The following CAPN8 variants were observed in gnomAD, a reference collection of about 807,000 sequenced individuals.
CAPN8 encodes calpain 8.
CAPN8 carries 87 observed loss-of-function variants against 80.9 expected under a neutral mutation model. The observed-to-expected ratio is 1.07, with a 90% CI of 0.90 to 1.28. CAPN8 has a LOEUF of 1.28. Ranked by LOEUF, CAPN8 falls within the 50% of genes most tolerant of loss-of-function variation. The probability of loss-of-function intolerance (pLI) is 0.00; values close to 1 mark genes in which losing one functional copy is unlikely to be tolerated. For synonymous variants in CAPN8, 299 were observed against 273.8 expected (o/e 1.09, Z -0.91); for missense variants, 757 against 702.0 (o/e 1.08, Z -0.89).
At chr1:223,640,074 A>C (rs947256336) in intron 2 of CAPN8, among the ~76,000 whole-genome samples, 1 of 151,906 alleles carries the variant, frequency 6.6e-6, no homozygotes, top group African/African-American at 2.4e-5. Context: ...GCCCCTTTTC[A>C]TCCTCACTTT....
chr1:223,544,313 T>A, intron 18 of CAPN8, 130 bp from the exon 19 acceptor site: 2 of 624,860 alleles, frequency 3.2e-6, no homozygotes, highest in Non-Finnish European at 5.8e-6. Context: ...CAGGCCTGAC[T>A]CTGCCTTCTC....
intron 2 of CAPN8, among the ~76,000 whole-genome samples, chr1:223,648,330 A>T (rs1225552121): frequency 6.6e-6 from 1 of 152,214 alleles, no homozygotes; most frequent in Non-Finnish European, 1.5e-5. Flanking sequence ...CCCACCTCGG[A>T]GGCCTGACCC....
intron 2 of CAPN8, among the ~76,000 whole-genome samples, chr1:223,640,508 G>T (rs147199525): frequency 2.8e-4 from 42 of 152,218 alleles, no homozygotes; most frequent in Admixed American, 1.2e-3. Flanking sequence ...TCTTGTCCAG[G>T]TTTCCCATCT....
Position 223,619,538 on chromosome 1 carries a change from T to C in CAPN8, c.975-85A>G, listed in dbSNP as rs1315074538. 2.8e-6 allele frequency: 4 copies of C among 1,429,568 alleles called. No individual in the cohort carries two copies. The African/African-American group carries it at 5.7e-5, about 20-fold the overall frequency. The allele number at this position is 1,429,568 out of a possible 1,614,324, so 88.6% of individuals were successfully genotyped here. ...GCATACTGAGCACGGGAAGGAGCCC[T>C]GTGGCACAGGCCCTAGAGGCCGTGG... On this transcript the variant is annotated intron_variant, in intron 8 of 20. Transcript: ENST00000366872.
At chr1:223,631,593 T>C (rs1053403491) in intron 2 of CAPN8, among the ~76,000 whole-genome samples, 1 of 152,162 alleles carries the variant, frequency 6.6e-6, no homozygotes, top group Non-Finnish European at 1.5e-5. Flanking sequence ...CAACGGATGT[T>C]TGATGAATAA....
At position 223,611,470 on chromosome 1, in the gene CAPN8, T is replaced by C. The variant is rs191476201; in HGVS notation, c.1323+776A>G. Among the ~76,000 whole-genome samples the C allele has an allele frequency of 3.8e-3, 586 of 152,326 alleles. 8 individuals are homozygous for C. Among genetic ancestry groups the C allele is most frequent in the African/African-American group, 0.013 (544 of 41,580 alleles). ...GCATATAATTAAAAGTTGGTATAAATATGAGTGTGGACCTGCCTGTCAGCT... is the reference window on the plus strand; with the variant it reads ...GCATATAATTAAAAGTTGGTATAAACATGAGTGTGGACCTGCCTGTCAGCT... On this transcript the variant is annotated intron_variant, in intron 11 of 20. Transcript: ENST00000366872.
chr1:223,630,701 A>G (rs1038404205), intron 2 of CAPN8, among the ~76,000 whole-genome samples: 1 of 152,132 alleles, frequency 6.6e-6, no homozygotes, highest in Non-Finnish European at 1.5e-5. Flanking sequence ...CTCTCTCACC[A>G]GGCTCTGTTT....
chr1:223,547,222 AT>A (rs1042126708), intron 16 of CAPN8, among the ~76,000 whole-genome samples: 17 of 152,044 alleles, frequency 1.1e-4, no homozygotes, highest in African/African-American at 2.7e-4. Flanking sequence ...AATTTTTAAA[AT>A]TTTTTTTCTA....
chr1:223,614,767 A>C (rs1440229608), intron 10 of CAPN8, among the ~76,000 whole-genome samples: 2 of 152,216 alleles, frequency 1.3e-5, no homozygotes, highest in Non-Finnish European at 2.9e-5. Context: ...CCCGGCACAT[A>C]ATAGATGCTC....
At chr1:223,544,679 AATGATG>A (rs1656570309) in intron 18 of CAPN8, 87 bp downstream of exon 18, 1 of 1,507,450 alleles carries the variant, frequency 6.6e-7, no homozygotes, top group Non-Finnish European at 8.9e-7. Context: ...GAAAGCTACA[AATGATG>A]ATCATTAGCA....
At position 223,544,076 on chromosome 1, in the gene CAPN8, T is replaced by C. The variant is rs766120919; in HGVS notation, c.2020A>G (p.Thr674Ala). The change falls in exon 19 of 21, where the codon ACC becomes GCC. Residue 674 changes from threonine (T) to alanine (A), a missense_variant. Physicochemically the swap from Thr to Ala is moderately conservative, Grantham distance 58. Coordinates refer to ENST00000366872, the MANE Select transcript of CAPN8 (RefSeq NM_001143962.2). ...SFVACMIRLE[T>A]LFKLFSLLDE... Reference sequence around the variant, plus strand: ...GGACAGAGTGACTCACTGAAGAGGGTCTCCAGGCGGATCATACAAGCCACG... The same window carrying C: ...GGACAGAGTGACTCACTGAAGAGGGCCTCCAGGCGGATCATACAAGCCACG... The C allele has an allele frequency of 1.4e-6, 1 of 717,816 alleles. No homozygotes were observed. The highest frequency in any genetic ancestry group is 2.6e-6 in the Non-Finnish European group (1 of 385,034). The allele number at this position is 717,816 out of a possible 1,614,324, so 44.5% of individuals were successfully genotyped here.
intron 1 of CAPN8, among the ~76,000 whole-genome samples, chr1:223,661,036 G>A (rs948870115): frequency 6.6e-6 from 1 of 151,952 alleles, no homozygotes; most frequent in Non-Finnish European, 1.5e-5. Context: ...ATTGGTGGCA[G>A]GAGCCTGTGG....
In CAPN8 at chr1:223,638,920, A is replaced by G. The variant is rs1219676334; in HGVS notation, c.308-10140T>C. 3.3e-5 allele frequency among the ~76,000 whole-genome samples: 5 copies of G among 152,336 alleles called. No homozygotes were observed. In the East Asian group the frequency reaches 9.6e-4, roughly 29 times the overall value. On this transcript the variant is annotated intron_variant, in intron 2 of 20. Transcript: ENST00000366872. ...CTTGCACATCTGGAAGTTGCCCACA[A>G]TAAATCCTGCTAATGTAGAATTAAA... is the stretch of plus-strand genomic sequence containing the variant.
At chr1:223,628,546 G>C in intron 3 of CAPN8, 116 bp downstream of exon 3, 1 of 747,216 alleles carries the variant, frequency 1.3e-6, no homozygotes, top group East Asian at 2.7e-5. Context: ...CACCTAGAGG[G>C]ATTATTAAGA....
At chr1:223,659,040 G>T (rs1197737288) in intron 1 of CAPN8, among the ~76,000 whole-genome samples, 2 of 152,148 alleles carry the variant, frequency 1.3e-5, no homozygotes, top group Non-Finnish European at 2.9e-5. Context: ...TAACAATCAT[G>T]TCTTTTTAGT....
intron 17 of CAPN8, 190 bp from the exon 18 acceptor site, chr1:223,545,040 C>G (rs1402217252): frequency 6.4e-6 from 9 of 1,395,644 alleles, no homozygotes; most frequent in Non-Finnish European, 8.6e-6. Context: ...GCTGTCTGAA[C>G]AGCAGGGCTT....
chr1:223,618,312 G>A (rs544265627), intron 9 of CAPN8: 46 of 1,550,082 alleles, frequency 3.0e-5, no homozygotes, highest in Middle Eastern at 1.8e-4. Context: ...GATCTTCTGC[G>A]AGCCAGGAAA....
chr1:223,545,192 G>C, intron 17 of CAPN8, 39 bp downstream of exon 17: 1 of 1,551,658 alleles, frequency 6.4e-7, no homozygotes, highest in South Asian at 1.2e-5. Context: ...GGGAGGATTA[G>C]AACAGAGGAG....
chr1:223,632,607 C>A (rs1657804520), intron 2 of CAPN8, among the ~76,000 whole-genome samples: 1 of 152,160 alleles, frequency 6.6e-6, no homozygotes, highest in Non-Finnish European at 1.5e-5. Flanking sequence ...TGGCCTCAAG[C>A]AATCCTCCCA....
Sources: allele counts gnomAD v4.1 joint callset (sites outside exome capture counted in the v4.1 genomes callset), GRCh38; gene constraint gnomAD v4.1.1; transcripts MANE v1.5; gene names NCBI Gene and HGNC (gene_info 2026-07-23, HGNC 2026-07-21).